Variants in PCDH7 observed in about 807,000 individuals in gnomAD.
PCDH7 encodes protocadherin 7, also known as protocadherin-7.
In PCDH7, 17 loss-of-function variants were observed where a neutral mutation model predicts 58.9. That is an observed-to-expected ratio of 0.29 (90% CI 0.20 to 0.43). PCDH7 has a LOEUF of 0.43. Among genes scored for constraint, PCDH7 ranks in the 20% least tolerant of loss-of-function variants. The pLI is 1.00. For missense variants in PCDH7, 1,274 were observed against 1,441.0 expected, an observed-to-expected ratio of 0.88 and a Z score of 1.88; for synonymous variants, 664 against 616.4, an observed-to-expected ratio of 1.08 and a Z score of -1.14.
intron 1 of PCDH7, among the ~76,000 whole-genome samples, chr4:30,916,197 G>C (rs189409972): frequency 5.1e-4 from 77 of 152,248 alleles, no homozygotes; most frequent in African/African-American, 1.7e-3. Flanking sequence ...TGGCCTTGCT[G>C]TCCGTTTTCA....
chr4:31,042,340 C>G (rs1755939660), intron 3 of PCDH7, among the ~76,000 whole-genome samples: 1 of 152,048 alleles, frequency 6.6e-6, no homozygotes, highest in Non-Finnish European at 1.5e-5. Context: ...ATATTTTTTC[C>G]CAGTAGAATT....
chr4:31,108,356 A>G (rs1715840303), intron 3 of PCDH7, among the ~76,000 whole-genome samples: 1 of 143,012 alleles, frequency 7.0e-6, no homozygotes, highest in Non-Finnish European at 1.5e-5. Flanking sequence ...AGACTGTAAC[A>G]TACAGCATAC....
chr4:30,844,323 G>T (rs923855864), intron 1 of PCDH7, among the ~76,000 whole-genome samples: 1 of 152,094 alleles, frequency 6.6e-6, no homozygotes, highest in Non-Finnish European at 1.5e-5. Flanking sequence ...TTGCAAAATT[G>T]TCACTGTGGA....
At chr4:30,958,215 T>G (rs1244943405) in intron 3 of PCDH7, among the ~76,000 whole-genome samples, 1 of 152,008 alleles carries the variant, frequency 6.6e-6, no homozygotes, top group Non-Finnish European at 1.5e-5. Context: ...ACACAAGAAA[T>G]TAAGTGTACT....
intron 3 of PCDH7, among the ~76,000 whole-genome samples, chr4:31,022,206 T>C (rs1418969550): frequency 2.6e-5 from 4 of 152,154 alleles, no homozygotes; most frequent in African/African-American, 9.6e-5. Context: ...TGGGGATTAA[T>C]AATAATTTTT....
chr4:30,856,716 A>G (rs1000941172), intron 1 of PCDH7, among the ~76,000 whole-genome samples: 1 of 150,600 alleles, frequency 6.6e-6, no homozygotes, highest in Non-Finnish European at 1.5e-5. Flanking sequence ...AAATATATAT[A>G]TATATACATG....
rs1050495295 is a variant in PCDH7, at chr4:30,856,701, A to T, written c.71-63452A>T. ...TTACTATACTGATATCAGAAAAAAA[A>T]AAAAAAATATATATATATATACATG... On this transcript the variant is annotated intron_variant, in intron 1 of 3. Coordinates refer to the PCDH7 transcript ENST00000509759. Among the ~76,000 whole-genome samples the T allele has an allele frequency of 4.0e-5, 6 of 150,156 alleles. No individual in the cohort carries two copies. The South Asian group carries it at 8.3e-4, about 21-fold the overall frequency.
intron 1 of PCDH7, among the ~76,000 whole-genome samples, chr4:30,889,322 A>G: frequency 6.6e-6 from 1 of 151,138 alleles, no homozygotes; most frequent in East Asian, 2.0e-4. Context: ...ATATTCTCCT[A>G]CTGGTTTTGT....
At chr4:30,848,991 G>A (rs1307307433) in intron 1 of PCDH7, among the ~76,000 whole-genome samples, 1 of 152,100 alleles carries the variant, frequency 6.6e-6, no homozygotes, top group Non-Finnish European at 1.5e-5. Flanking sequence ...TTTCTTTATA[G>A]ATTTAAACAT....
At chr4:30,870,891 C>T (rs746488443) in intron 1 of PCDH7, among the ~76,000 whole-genome samples, 7 of 152,040 alleles carry the variant, frequency 4.6e-5, no homozygotes, top group Non-Finnish European at 8.8e-5. Flanking sequence ...TTGCACATTG[C>T]GGCACCTGTA....
At chr4:31,005,790 T>G (rs1292429008) in intron 3 of PCDH7, among the ~76,000 whole-genome samples, 1 of 152,200 alleles carries the variant, frequency 6.6e-6, no homozygotes, top group Non-Finnish European at 1.5e-5. Context: ...ACATATGAAC[T>G]AATTAAAGTC....
At chr4:31,079,332 A>C (rs1259154210) in intron 3 of PCDH7, among the ~76,000 whole-genome samples, 3 of 58,504 alleles carry the variant, frequency 5.1e-5, no homozygotes, top group Admixed American at 1.4e-4. Flanking sequence ...ATATATATAT[A>C]TATATATATA....
chr4:30,794,444 T>A (rs1405529683), intron 1 of PCDH7, among the ~76,000 whole-genome samples: 1 of 152,156 alleles, frequency 6.6e-6, no homozygotes, highest in African/African-American at 2.4e-5. Flanking sequence ...TTATTTCCCC[T>A]CTTAAAAATT....
At chr4:30,826,403 T>G (rs781321699) in intron 1 of PCDH7, among the ~76,000 whole-genome samples, 4 of 151,932 alleles carry the variant, frequency 2.6e-5, no homozygotes, top group Non-Finnish European at 5.9e-5. Context: ...TTTTAAAAAA[T>G]GCATCACAGT....
At chr4:31,128,235 G>A (rs1193797346) in intron 3 of PCDH7, among the ~76,000 whole-genome samples, 3 of 151,972 alleles carry the variant, frequency 2.0e-5, no homozygotes, top group Non-Finnish European at 4.4e-5. Flanking sequence ...GCTGGTTAGA[G>A]CTCCTTAAAT....
intron 3 of PCDH7, among the ~76,000 whole-genome samples, chr4:31,118,455 T>A (rs975700457): frequency 2.0e-5 from 3 of 152,196 alleles, no homozygotes; most frequent in Non-Finnish European, 4.4e-5. Flanking sequence ...TTTGGCGGTC[T>A]TTCCGTCCTG....
At chr4:30,837,946 C>T (rs1046789350) in intron 1 of PCDH7, among the ~76,000 whole-genome samples, 3 of 148,722 alleles carry the variant, frequency 2.0e-5, no homozygotes, top group Non-Finnish European at 4.5e-5. Flanking sequence ...CCATTAATGT[C>T]TTATATGAGA....
chr4:31,134,284 AC>A (rs1719331840), intron 3 of PCDH7, among the ~76,000 whole-genome samples: 1 of 152,020 alleles, frequency 6.6e-6, no homozygotes, highest in African/African-American at 2.4e-5. Flanking sequence ...ACATGATGAA[AC>A]CCCGTCTCTA....
At chr4:31,146,628 TTA>T (rs1241400600), downstream of PCDH7, 1 of 152,136 alleles carries the variant, frequency 6.6e-6, no homozygotes, top group Non-Finnish European at 1.5e-5. Context: ...TCATCGTTTA[TTA>T]TGAGTCACTA....
Sources: gnomAD v4.1 joint callset for allele counts (sites outside exome capture counted in the v4.1 genomes callset) on GRCh38, gnomAD v4.1.1 for gene constraint, MANE v1.5 for transcripts, NCBI Gene and HGNC (gene_info 2026-07-23, HGNC 2026-07-21) for gene names.